PKP4: variants seen among roughly 807,000 people sequenced by gnomAD.
The protein encoded by PKP4 is plakophilin 4.
Under a neutral mutation model 145.1 loss-of-function variants are expected in PKP4, and 90 were observed. The ratio of observed to expected loss-of-function variants is 0.62; its 90% confidence interval spans 0.52 to 0.74. The LOEUF (loss-of-function observed/expected upper bound fraction) is 0.74. Among genes scored for constraint, PKP4 ranks in the 30% least tolerant of loss-of-function variants. The pLI is 0.00. For missense variants in PKP4, 1,340 were observed against 1,482.7 expected, an observed-to-expected ratio of 0.90 and a Z score of 1.58; for synonymous variants, 563 against 577.2, an observed-to-expected ratio of 0.98 and a Z score of 0.35.
chr2:158,486,700 G>A (rs1694211928), intron 1 of PKP4, among the ~76,000 whole-genome samples: 1 of 152,224 alleles, frequency 6.6e-6, no homozygotes, highest in African/African-American at 2.4e-5. Context: ...ATTTTGGGAA[G>A]CAGTCTAGAA....
chr2:158,604,311 C>T (rs1442927733), intron 4 of PKP4, among the ~76,000 whole-genome samples: 13 of 152,030 alleles, frequency 8.6e-5, no homozygotes, highest in Admixed American at 6.5e-4. Flanking sequence ...GGTGATAAGA[C>T]GTGCAAAGTC....
At chr2:158,502,924 G>T (rs1203200693) in intron 1 of PKP4, among the ~76,000 whole-genome samples, 2 of 152,222 alleles carry the variant, frequency 1.3e-5, no homozygotes, top group African/African-American at 2.4e-5. Flanking sequence ...GAGACTTTCT[G>T]CTCTGTGGTC....
intron 4 of PKP4, among the ~76,000 whole-genome samples, chr2:158,607,633 C>T (rs540128725): frequency 6.6e-6 from 1 of 152,110 alleles, no homozygotes; most frequent in South Asian, 2.1e-4. Flanking sequence ...GCCACCCGTG[C>T]CAGAAATGTT....
chr2:158,539,931 C>T (rs2105656373), intron 2 of PKP4, among the ~76,000 whole-genome samples: 1 of 152,238 alleles, frequency 6.6e-6, no homozygotes, highest in South Asian at 2.1e-4. Context: ...AGGGTGTCCT[C>T]CACCTCAAGC....
In PKP4 at chr2:158,625,251, C is replaced by T. The variant is rs371838555; in HGVS notation, c.977C>T (p.Ala326Val). ...LTLTDAQTRVASPSQGQVGSS... is the reference protein window; with the variant it reads ...LTLTDAQTRVVSPSQGQVGSS... ...CTGACGGATGCACAGACTCGAGTAG[C>T]TTCCCCATCCCAAGGCCAGGTGGGG... The change falls in exon 7 of 22, where the codon GCT becomes GTT. Residue 326 changes from alanine to valine, a missense_variant. Ala to Val is a moderately conservative substitution (Grantham distance 64, BLOSUM62 0). Coordinates refer to ENST00000389759, the MANE Select transcript of PKP4 (RefSeq NM_003628.6). 1 of 1,614,080 alleles carries T rather than the reference C, an allele frequency of 6.2e-7. No individual in the cohort carries two copies. The highest frequency in any genetic ancestry group is 1.3e-5 in the African/African-American group (1 of 74,920).
At chr2:158,629,873 A>T (rs564681865) in intron 7 of PKP4, among the ~76,000 whole-genome samples, 1 of 152,072 alleles carries the variant, frequency 6.6e-6, no homozygotes, top group African/African-American at 2.4e-5. Flanking sequence ...AGCTGGGATT[A>T]CAGGCGCCTG....
intron 11 of PKP4, among the ~76,000 whole-genome samples, chr2:158,650,540 C>T (rs1243095127): frequency 2.0e-5 from 3 of 152,194 alleles, no homozygotes; most frequent in Admixed American, 2.0e-4. Context: ...TCTATCTTGT[C>T]CCAACTGGGG....
At chr2:158,482,208 T>C (rs1162048617) in intron 1 of PKP4, among the ~76,000 whole-genome samples, 1 of 152,264 alleles carries the variant, frequency 6.6e-6, no homozygotes, top group African/African-American at 2.4e-5. Flanking sequence ...ACTGCAAATA[T>C]ACATTTCCAC....
chr2:158,642,707 T>A lies in PKP4; in HGVS notation c.1909+8T>A. ...TAAGGGAGCTTGTTACAGGTAGGTA[T>A]AGAATGTGATCTCGTCCTAGAGGAA... On this transcript the variant is annotated splice_region_variant and intron_variant, in intron 11 of 21. Coordinates refer to ENST00000389759, the MANE Select transcript of PKP4 (RefSeq NM_003628.6). The A allele has an allele frequency of 6.4e-7, 1 of 1,572,626 alleles. No homozygotes were observed. Among genetic ancestry groups the A allele is most frequent in the Admixed American group, 1.7e-5 (1 of 57,792 alleles).
At chr2:158,613,688 C>G (rs1476663443) in intron 4 of PKP4, among the ~76,000 whole-genome samples, 1 of 152,170 alleles carries the variant, frequency 6.6e-6, no homozygotes, top group Non-Finnish European at 1.5e-5. Context: ...GAGGATTAGG[C>G]TGCCACTACC....
chr2:158,479,957 T>G (rs953821326), intron 1 of PKP4, among the ~76,000 whole-genome samples: 11 of 152,334 alleles, frequency 7.2e-5, no homozygotes, highest in Non-Finnish European at 1.5e-4. Context: ...CTCATGTGGC[T>G]TAAATGTTTG....
At chr2:158,476,306 G>C (rs1692464042) in intron 1 of PKP4, among the ~76,000 whole-genome samples, 1 of 152,050 alleles carries the variant, frequency 6.6e-6, no homozygotes, top group African/African-American at 2.4e-5. Context: ...CTTTTGAATT[G>C]GGGGCTCATC....
At chr2:158,559,491 A>G (rs1430329926) in intron 2 of PKP4, among the ~76,000 whole-genome samples, 1 of 151,998 alleles carries the variant, frequency 6.6e-6, no homozygotes, top group East Asian at 1.9e-4. Context: ...CAGGAGCCTC[A>G]AGCCCTACGC....
At chr2:158,489,385 C>T (rs528762328) in intron 1 of PKP4, among the ~76,000 whole-genome samples, 1 of 152,142 alleles carries the variant, frequency 6.6e-6, no homozygotes, top group African/African-American at 2.4e-5. Context: ...AGATTTCTGA[C>T]GCTAAAACCT....
intron 9 of PKP4, among the ~76,000 whole-genome samples, 178 bp from the exon 10 acceptor site, chr2:158,640,449 T>C (rs1216551206): frequency 1.3e-5 from 2 of 152,256 alleles, no homozygotes; most frequent in African/African-American, 4.8e-5. Flanking sequence ...ATCATAAGCA[T>C]CTGGGCCTCT....
At chr2:158,627,820 T>G (rs992953217) in intron 7 of PKP4, among the ~76,000 whole-genome samples, 1 of 151,648 alleles carries the variant, frequency 6.6e-6, no homozygotes, top group Non-Finnish European at 1.5e-5. Flanking sequence ...ATAGCTAAAC[T>G]AATATGTTTG....
intron 15 of PKP4, 67 bp downstream of exon 15, chr2:158,663,512 A>G (rs2056803232): frequency 1.5e-6 from 2 of 1,361,244 alleles, no homozygotes; most frequent in Admixed American, 1.8e-5. Context: ...TGTTATATAT[A>G]TATGTTCTGC....
intron 3 of PKP4, among the ~76,000 whole-genome samples, chr2:158,584,671 C>G (rs1180107799): frequency 7.4e-6 from 1 of 134,636 alleles, no homozygotes; most frequent in Non-Finnish European, 1.5e-5. Context: ...AAAATTTAAA[C>G]AATAAAAACT....
intron 2 of PKP4, among the ~76,000 whole-genome samples, chr2:158,555,037 C>T (rs2045972097): frequency 6.6e-6 from 1 of 152,140 alleles, no homozygotes; most frequent in East Asian, 1.9e-4. Context: ...TCTTAAAAGC[C>T]ATGTTTAAAC....
Sources: allele counts gnomAD v4.1 joint callset (sites outside exome capture counted in the v4.1 genomes callset), GRCh38; gene constraint gnomAD v4.1.1; transcripts MANE v1.5; gene names NCBI Gene and HGNC (gene_info 2026-07-23, HGNC 2026-07-21).